The following ZNF385D variants were observed in gnomAD, a reference collection of about 807,000 sequenced individuals.
ZNF385D encodes zinc finger protein 659.
Under a neutral mutation model 35.8 loss-of-function variants are expected in ZNF385D, and 15 were observed. The observed-to-expected ratio is 0.42, with a 90% confidence interval of 0.28 to 0.64. ZNF385D has a LOEUF of 0.64. Ranked by LOEUF, ZNF385D falls within the 30% of genes least tolerant of loss-of-function variation. The probability of loss-of-function intolerance (pLI) is 0.23; values close to 1 mark genes in which losing one functional copy is unlikely to be tolerated. For missense variants in ZNF385D, 474 were observed against 494.6 expected, an observed-to-expected ratio of 0.96 and a Z score of 0.39; for synonymous variants, 212 against 186.8, an observed-to-expected ratio of 1.13 and a Z score of -1.10.
At chr3:21,460,686 A>AT (rs1054572779) in intron 4 of ZNF385D, among the ~76,000 whole-genome samples, 2 of 145,710 alleles carry the variant, frequency 1.4e-5, no homozygotes, top group Non-Finnish European at 2.9e-5. Flanking sequence ...ATTCACTACA[A>AT]TTTTTTTTAA....
chr3:22,079,201 C>T (rs945434284), intron 3 of ZNF385D, among the ~76,000 whole-genome samples: 2 of 152,002 alleles, frequency 1.3e-5, no homozygotes, highest in African/African-American at 4.8e-5. Flanking sequence ...ATAATTGTAA[C>T]ATTTTCCCCA....
rs545679907 is a variant in ZNF385D at position 21,605,961 on chromosome 3, C to T, written c.166-41277G>A. Among the ~76,000 whole-genome samples, 8 of 151,644 alleles carry T rather than the reference C, an allele frequency of 5.3e-5. 1 individual carries two copies. The South Asian group carries it at 1.5e-3, about 27-fold the overall frequency. On this transcript the variant is annotated intron_variant, in intron 2 of 7. Transcript: ENST00000281523. ...CACGTAATGCACATCTTAAAACGTGCAGACTGTGCTGGTATTCTCTGTTGG... is the reference window on the plus strand; with the variant it reads ...CACGTAATGCACATCTTAAAACGTGTAGACTGTGCTGGTATTCTCTGTTGG...
chr3:21,785,609 A>C (rs907067592), intron 3 of ZNF385D, among the ~76,000 whole-genome samples: 2 of 152,144 alleles, frequency 1.3e-5, no homozygotes, highest in African/African-American at 4.8e-5. Flanking sequence ...TGATTCTATA[A>C]ATTTCACTAC....
chr3:22,168,615 C>G (rs957496232), intron 3 of ZNF385D: 2 of 182,158 alleles, frequency 1.1e-5, no homozygotes, highest in African/African-American at 4.8e-5. Flanking sequence ...GGTCACAACC[C>G]TAATACAATT....
At position 22,287,120 on chromosome 3, in the gene ZNF385D, A is replaced by G. The variant is rs149972228; in HGVS notation, c.106+85330T>C. 7.0e-3 allele frequency among the ~76,000 whole-genome samples: 1,069 copies of G among 152,116 alleles called. 35 individuals carry two copies. The highest frequency in any genetic ancestry group is 0.056 in the Admixed American group (854 of 15,254). ...TTGGTGAAGTAACCACTTTATTATT[A>G]TATAATGGCCTTCTTTTTCTTTTGT... On this transcript the variant is annotated intron_variant, in intron 2 of 5. Coordinates refer to the ZNF385D transcript ENST00000494108.
At chr3:21,825,288 G>A (rs957098750) in intron 3 of ZNF385D, among the ~76,000 whole-genome samples, 1 of 152,142 alleles carries the variant, frequency 6.6e-6, no homozygotes, top group Non-Finnish European at 1.5e-5. Flanking sequence ...TCTAACTCAT[G>A]TATCACTTGT....
intron 2 of ZNF385D, among the ~76,000 whole-genome samples, chr3:21,639,659 T>A (rs1334350275): frequency 6.6e-6 from 1 of 152,036 alleles, no homozygotes; most frequent in East Asian, 1.9e-4. Context: ...TATACCACCA[T>A]GAATATTAAT....
chr3:21,830,226 CTCTG>C (rs1393883730), intron 3 of ZNF385D, among the ~76,000 whole-genome samples: 3 of 152,146 alleles, frequency 2.0e-5, no homozygotes, highest in East Asian at 1.9e-4. Context: ...CAAACTGACA[CTCTG>C]TCTGTTATGC....
intron 3 of ZNF385D, among the ~76,000 whole-genome samples, chr3:21,988,040 C>T (rs1370129153): frequency 7.0e-6 from 1 of 143,640 alleles, no homozygotes; most frequent in Non-Finnish European, 1.5e-5. Context: ...AAGCACTTCT[C>T]TGTAGTGGTT....
chr3:21,659,240 G>C (rs1445750704), intron 2 of ZNF385D, among the ~76,000 whole-genome samples: 7 of 152,020 alleles, frequency 4.6e-5, no homozygotes, highest in Admixed American at 3.3e-4. Flanking sequence ...ATTTGTTAAT[G>C]TTATGTTTTT....
intron 3 of ZNF385D, among the ~76,000 whole-genome samples, chr3:21,548,647 C>A (rs2062462458): frequency 1.3e-5 from 2 of 152,134 alleles, no homozygotes; most frequent in African/African-American, 4.8e-5. Context: ...TTTCTATATC[C>A]CAGCAATTCC....
chr3:21,707,889 C>T (rs991376300), intron 1 of ZNF385D, among the ~76,000 whole-genome samples: 9 of 152,074 alleles, frequency 5.9e-5, no homozygotes, highest in African/African-American at 1.9e-4. Context: ...CAGGATTATA[C>T]GTGTGCATCT....
At chr3:21,463,661 C>A (rs1177475901) in intron 4 of ZNF385D, among the ~76,000 whole-genome samples, 1 of 152,108 alleles carries the variant, frequency 6.6e-6, no homozygotes, top group Non-Finnish European at 1.5e-5. Context: ...TCCGCTGATG[C>A]CTACAGATAT....
chr3:21,779,136 A>C (rs1261901504), intron 3 of ZNF385D, among the ~76,000 whole-genome samples: 1 of 151,946 alleles, frequency 6.6e-6, no homozygotes, highest in Non-Finnish European at 1.5e-5. Context: ...CCTAGGGATA[A>C]ACCACCTGAA....
At chr3:22,308,671 A>C (rs1703369776) in intron 2 of ZNF385D, among the ~76,000 whole-genome samples, 1 of 152,092 alleles carries the variant, frequency 6.6e-6, no homozygotes, top group South Asian at 2.1e-4. Context: ...TTGATATCAG[A>C]ATTTACTAAA....
chr3:21,544,641 G>A (rs1241453770), intron 3 of ZNF385D, among the ~76,000 whole-genome samples: 5 of 152,162 alleles, frequency 3.3e-5, no homozygotes, highest in African/African-American at 1.2e-4. Flanking sequence ...TCTGCAAATT[G>A]AGCATTGAAA....
At chr3:22,074,754 CT>C (rs1454619933) in intron 3 of ZNF385D, among the ~76,000 whole-genome samples, 5 of 151,922 alleles carry the variant, frequency 3.3e-5, no homozygotes, top group Non-Finnish European at 7.4e-5. Flanking sequence ...ACTGTTCAAT[CT>C]TACTTGTTCC....
intron 1 of ZNF385D, among the ~76,000 whole-genome samples, chr3:21,735,737 T>C (rs2069211867): frequency 6.6e-6 from 1 of 152,208 alleles, no homozygotes; most frequent in Non-Finnish European, 1.5e-5. Context: ...CAAGGCATAG[T>C]ACAAAGAGAC....
At chr3:21,939,170 A>G (rs1701399566) in intron 3 of ZNF385D, among the ~76,000 whole-genome samples, 2 of 152,194 alleles carry the variant, frequency 1.3e-5, no homozygotes, top group African/African-American at 2.4e-5. Context: ...AAGTCCCTAT[A>G]TTTGCCCACT....
Sources: allele counts gnomAD v4.1 joint callset (sites outside exome capture counted in the v4.1 genomes callset), GRCh38; gene constraint gnomAD v4.1.1; transcripts MANE v1.5; gene names NCBI Gene and HGNC (gene_info 2026-07-23, HGNC 2026-07-21).